CXCL13: variants seen among roughly 807,000 people sequenced by gnomAD.
The protein encoded by CXCL13 is C-X-C motif chemokine ligand 13, also known as C-X-C motif chemokine 13.
CXCL13 carries 7 observed loss-of-function variants against 12.2 expected under a neutral mutation model. The observed-to-expected ratio is 0.57, with a 90% CI of 0.33 to 1.07. CXCL13 has a LOEUF of 1.07. Among genes scored for constraint, CXCL13 ranks in the 50% least tolerant of loss-of-function variants. CXCL13 has a pLI of 0.04. For missense variants in CXCL13, 113 were observed against 127.4 expected (o/e 0.89, Z 0.55); for synonymous variants, 47 against 42.4 (o/e 1.11, Z -0.42).
intron 1 of CXCL13, among the ~76,000 whole-genome samples, chr4:77,514,075 A>G (rs1362809122): frequency 1.3e-5 from 2 of 151,630 alleles, no homozygotes; most frequent in Non-Finnish European, 2.9e-5. Context: ...TTGTTCTTGC[A>G]ATAGTTTACT....
intron 1 of CXCL13, among the ~76,000 whole-genome samples, chr4:77,535,848 G>T (rs1235837718): frequency 6.6e-6 from 1 of 152,166 alleles, no homozygotes; most frequent in Non-Finnish European, 1.5e-5. Flanking sequence ...GCATTTGAGT[G>T]CCAGATAAGA....
chr4:77,514,040 G>A, intron 1 of CXCL13, among the ~76,000 whole-genome samples: 1 of 151,964 alleles, frequency 6.6e-6, no homozygotes, highest in East Asian at 1.9e-4. Flanking sequence ...CCACCTATGA[G>A]CGAGAATATG....
rs111369262 is a variant in CXCL13, at chr4:77,589,199, A to C, written c.-42-16625A>C. ...CACAGTCTGAAATTATTAAAAGGAA[A>C]ATTACAGAAATAATTCATAAGTTTT... On this transcript the variant is annotated intron_variant, in intron 1 of 4. Coordinates refer to the CXCL13 transcript ENST00000286758. 8.7e-3 allele frequency among the ~76,000 whole-genome samples: 1,187 copies of C among 136,880 alleles called. 10 individuals are homozygous for C. The highest frequency in any genetic ancestry group is 0.033 in the African/African-American group (1,114 of 34,012). The allele number at this position is 136,880 out of a possible 152,430, so 89.8% of individuals were successfully genotyped here.
intron 1 of CXCL13, among the ~76,000 whole-genome samples, chr4:77,538,484 A>G (rs776908018): frequency 6.7e-6 from 1 of 150,132 alleles, no homozygotes; most frequent in African/African-American, 2.5e-5. Context: ...ATCAGAAAAC[A>G]TCACCTTTTC....
intron 1 of CXCL13, among the ~76,000 whole-genome samples, chr4:77,584,505 A>T (rs777124662): frequency 6.6e-6 from 1 of 152,252 alleles, no homozygotes; most frequent in Non-Finnish European, 1.5e-5. Flanking sequence ...TAATCTCAAC[A>T]TTTGACAGAA....
intron 1 of CXCL13, among the ~76,000 whole-genome samples, chr4:77,544,055 G>C (rs535996326): frequency 1.4e-3 from 214 of 152,246 alleles, no homozygotes; most frequent in African/African-American, 4.9e-3. Context: ...CTTCATCCAT[G>C]TCCCTACAAA....
At chr4:77,513,812 T>C (rs1724334076) in intron 1 of CXCL13, among the ~76,000 whole-genome samples, 1 of 151,798 alleles carries the variant, frequency 6.6e-6, no homozygotes, top group Non-Finnish European at 1.5e-5. Flanking sequence ...CTCTTTTTTT[T>C]TTTTTTTTAT....
chr4:77,549,083 A>T (rs191969005), intron 1 of CXCL13, among the ~76,000 whole-genome samples: 81 of 152,140 alleles, frequency 5.3e-4, no homozygotes, highest in Non-Finnish European at 9.1e-4. Context: ...CATTTCATAC[A>T]TTTGATCTTC....
intron 1 of CXCL13, among the ~76,000 whole-genome samples, chr4:77,546,283 C>T (rs1215154330): frequency 1.3e-5 from 2 of 152,136 alleles, no homozygotes; most frequent in East Asian, 3.8e-4. Context: ...AAGGAGGATG[C>T]CCTCTTTTTC....
intron 1 of CXCL13, among the ~76,000 whole-genome samples, chr4:77,514,924 A>G (rs1258375620): frequency 3.9e-5 from 6 of 151,990 alleles, no homozygotes; most frequent in Non-Finnish European, 7.4e-5. Context: ...TTCTTCTAGG[A>G]TTTTTATGGT....
At chr4:77,519,852 A>G (rs1724530362) in intron 1 of CXCL13, among the ~76,000 whole-genome samples, 1 of 152,172 alleles carries the variant, frequency 6.6e-6, no homozygotes, top group Non-Finnish European at 1.5e-5. Context: ...TTTTAGGTCT[A>G]ACATTTAAGT....
At chr4:77,562,970 T>A (rs1457432619) in intron 1 of CXCL13, among the ~76,000 whole-genome samples, 1 of 152,008 alleles carries the variant, frequency 6.6e-6, no homozygotes. Flanking sequence ...CCCCCATGGG[T>A]CCCCTTCCAC....
chr4:77,545,589 A>T (rs1462707263), intron 1 of CXCL13, among the ~76,000 whole-genome samples: 1 of 152,160 alleles, frequency 6.6e-6, no homozygotes, highest in Non-Finnish European at 1.5e-5. Context: ...AGTTTTGCAC[A>T]TTGATTTTGT....
intron 1 of CXCL13, among the ~76,000 whole-genome samples, chr4:77,560,975 T>C (rs779575524): frequency 2.0e-4 from 31 of 152,324 alleles, no homozygotes; most frequent in Non-Finnish European, 4.0e-4. Context: ...CATAGCTCTG[T>C]CCTGGGAACC....
intron 1 of CXCL13, among the ~76,000 whole-genome samples, chr4:77,534,011 G>A (rs1317687989): frequency 1.3e-5 from 2 of 152,136 alleles, no homozygotes; most frequent in Non-Finnish European, 2.9e-5. Flanking sequence ...CCCTGCTTTG[G>A]CTCATGCTTG....
intron 1 of CXCL13, among the ~76,000 whole-genome samples, chr4:77,547,579 T>A (rs1240126933): frequency 6.6e-6 from 1 of 152,208 alleles, no homozygotes; most frequent in Non-Finnish European, 1.5e-5. Context: ...TGTTTTCCAT[T>A]TTCTTGGTAG....
At chr4:77,543,721 G>A (rs1725262237) in intron 1 of CXCL13, among the ~76,000 whole-genome samples, 2 of 151,812 alleles carry the variant, frequency 1.3e-5, no homozygotes, top group East Asian at 1.9e-4. Flanking sequence ...CTGAGAAAAT[G>A]GTTGTTATGA....
chr4:77,525,431 C>T (rs151105121), intron 1 of CXCL13, among the ~76,000 whole-genome samples: 1 of 152,090 alleles, frequency 6.6e-6, no homozygotes, highest in Non-Finnish European at 1.5e-5. Context: ...CTCCTAAAAT[C>T]AATGCAGGTG....
intron 1 of CXCL13, among the ~76,000 whole-genome samples, chr4:77,577,721 G>A (rs1726230100): frequency 6.6e-6 from 1 of 152,046 alleles, no homozygotes; most frequent in Non-Finnish European, 1.5e-5. Context: ...TGGGACTCAG[G>A]GATATAAGAA....
Sources: allele counts gnomAD v4.1 joint callset (sites outside exome capture counted in the v4.1 genomes callset), GRCh38; gene constraint gnomAD v4.1.1; transcripts MANE v1.5; gene names NCBI Gene and HGNC (gene_info 2026-07-23, HGNC 2026-07-21).